CD99L2: variants seen among roughly 807,000 people sequenced by gnomAD.
CD99L2 encodes the protein CD99 antigen-like protein 2.
CD99L2 carries 24 observed loss-of-function variants against 27.3 expected under a neutral mutation model. The ratio of observed to expected loss-of-function variants is 0.88; its 90% CI spans 0.64 to 1.24. The LOEUF (loss-of-function observed/expected upper bound fraction) is 1.24, where lower values mean the gene tolerates loss of function less well. Ranked by LOEUF, CD99L2 falls within the 50% of genes most tolerant of loss-of-function variation. The pLI, the probability that CD99L2 is intolerant of heterozygous loss-of-function variation, is 0.00. For synonymous variants in CD99L2, 97 were observed against 87.9 expected (o/e 1.10, Z -0.58); for missense variants, 255 against 221.6 (o/e 1.15, Z -0.96).
Position 150,795,425 on chromosome X carries a change from A to C in CD99L2, c.339T>G (p.Asn113Lys), listed in dbSNP as rs1422929315. The C allele has an allele frequency of 1.7e-6, 2 of 1,211,305 alleles. No individual in the cohort carries two copies. Among genetic ancestry groups the C allele is most frequent in the African/African-American group, 3.5e-5 (2 of 57,675 alleles). Residue 113 changes from asparagine (N) to lysine (K), a missense_variant, in exon 5 of 11, where the codon AAT becomes AAG. Transcript: ENST00000370377. ...TCAGAGCGGCCACCTTACCTAAAGT[A>C]TTTGCTGGAGCTCTGGTGGTTACTG... ...KRPVTTRAPA[N>K]TLGNDFDLAD...
chrX:150,824,628 G>A (rs868916214), intron 2 of CD99L2, among the ~76,000 whole-genome samples: 4 of 81,085 alleles, frequency 4.9e-5, no homozygotes, highest in African/African-American at 9.9e-5. Flanking sequence ...GAAGAAGGAG[G>A]AGAAGAAGGA....
At chrX:150,773,517 CTG>C (rs1196995175) in intron 9 of CD99L2, among the ~76,000 whole-genome samples, 1 of 112,676 alleles carries the variant, frequency 8.9e-6, no homozygotes, top group Admixed American at 9.4e-5. Context: ...GATGTGAAAA[CTG>C]TGGACTGTCG....
intron 4 of CD99L2, among the ~76,000 whole-genome samples, chrX:150,811,347 A>C (rs997710847): frequency 7.2e-5 from 8 of 111,478 alleles, no homozygotes; most frequent in African/African-American, 6.5e-5. Flanking sequence ...GAGCATCAAA[A>C]ATAAAATAAA....
At position 150,883,188 on chromosome X, in the gene CD99L2, T is replaced by TCAAAAA. The variant is rs1322423787; in HGVS notation, c.67+15328_67+15333dup. Reference sequence around the variant, plus strand: ...TGGGCAACAAGAGCAAAACTCCATCTCAAAAACAAAAACAAAAACAAAACA... The same window carrying TCAAAAA: ...TGGGCAACAAGAGCAAAACTCCATCTCAAAAACAAAAACAAAAACAAAAACAAAACA... On this transcript the variant is annotated intron_variant, in intron 1 of 10. Coordinates refer to ENST00000370377, the MANE Select transcript of CD99L2 (RefSeq NM_031462.4). Among the ~76,000 whole-genome samples, 4 of 110,995 alleles carry TCAAAAA rather than the reference T, an allele frequency of 3.6e-5. No individual in the cohort carries two copies. The Admixed American group carries it at 3.8e-4, about 11-fold the overall frequency.
At chrX:150,803,406 T>A (rs1285152927) in intron 4 of CD99L2, among the ~76,000 whole-genome samples, 1 of 112,007 alleles carries the variant, frequency 8.9e-6, no homozygotes, top group African/African-American at 3.2e-5. Flanking sequence ...CCAGTAAGTT[T>A]TTTTCTAGAC....
chrX:150,768,575 C>T lies in CD99L2; in HGVS notation c.*459G>A, dbSNP rs1418161200. On this transcript the variant is annotated 3_prime_UTR_variant, in exon 11 of 11. Coordinates refer to ENST00000370377, the MANE Select transcript of CD99L2 (RefSeq NM_031462.4). Reference sequence around the variant, plus strand: ...AAGTGGGTGCAGGCTGAGCCCCCCACCTGCAGCTCCTTGAGGCCACTGTCA... The same window carrying T: ...AAGTGGGTGCAGGCTGAGCCCCCCATCTGCAGCTCCTTGAGGCCACTGTCA... 1 of 121,038 alleles carries T rather than the reference C, an allele frequency of 8.3e-6. No individual in the cohort carries two copies. The highest frequency in any genetic ancestry group is 3.5e-4 in the South Asian group (1 of 2,848). 10.0% of individuals were successfully genotyped at this position (121,038 alleles called of 1,213,427 possible).
At position 150,799,335 on chromosome X, in the gene CD99L2, CAA is replaced by C. The variant is rs368884708; in HGVS notation, c.278-3851_278-3850del. On this transcript the variant is annotated intron_variant, in intron 4 of 10. Coordinates refer to ENST00000370377, the MANE Select transcript of CD99L2 (RefSeq NM_031462.4). ...CAACATGGTGAAACCCTGTCTCTAC[CAA>C]AAAAAAAAAAACAACAACAAAACAC... 2.6e-4 allele frequency among the ~76,000 whole-genome samples: 23 copies of C among 89,813 alleles called. 1 individual carries two copies. The Middle Eastern group carries it at 0.017, about 68-fold the overall frequency. 78.0% of individuals were successfully genotyped at this position (89,813 alleles called of 115,157 possible).
At chrX:150,863,253 T>C (rs2047007809) in intron 1 of CD99L2, among the ~76,000 whole-genome samples, 2 of 112,328 alleles carry the variant, frequency 1.8e-5, no homozygotes, top group Admixed American at 9.4e-5. Context: ...GCCTTTTATT[T>C]ACCTGAGGAA....
At chrX:150,776,441 ATCT>A in intron 8 of CD99L2, 148 bp from the exon 9 acceptor site, 1 of 623,637 alleles carries the variant, frequency 1.6e-6, no homozygotes. Context: ...TGCCACACAG[ATCT>A]ACGGCATTAC....
At chrX:150,843,466 T>C (rs1557421395) in intron 1 of CD99L2, among the ~76,000 whole-genome samples, 2 of 109,897 alleles carry the variant, frequency 1.8e-5, no homozygotes, top group African/African-American at 6.6e-5. Context: ...CTGGCCAACA[T>C]AGTGAAACCC....
intron 1 of CD99L2, among the ~76,000 whole-genome samples, chrX:150,881,408 G>A (rs1324367844): frequency 1.8e-5 from 2 of 111,921 alleles, no homozygotes; most frequent in African/African-American, 6.5e-5. Context: ...AGAGATTGTA[G>A]CCAGAGCCAG....
At chrX:150,881,815 A>ATTTTTT (rs59133869) in intron 1 of CD99L2, among the ~76,000 whole-genome samples, 1 of 89,400 alleles carries the variant, frequency 1.1e-5, no homozygotes. Flanking sequence ...ACTCTTTCCA[A>ATTTTTT]TTTTTTTTTT....
Position 150,766,354 on chromosome X carries a change from A to T in CD99L2, c.*2680T>A, listed in dbSNP as rs1557418634. 1 of 111,051 alleles carries T rather than the reference A, an allele frequency of 9.0e-6. No homozygotes were observed. Among genetic ancestry groups the T allele is most frequent in the Non-Finnish European group, 1.9e-5 (1 of 53,015 alleles). The allele number at this position is 111,051 out of a possible 1,213,427, so 9.2% of individuals were successfully genotyped here. On this transcript the variant is annotated 3_prime_UTR_variant, in exon 11 of 11. Coordinates refer to ENST00000370377, the MANE Select transcript of CD99L2 (RefSeq NM_031462.4). The stretch of plus-strand genomic sequence containing the variant: ...ACAAGAATCTGCTCGGTGCCATTTT[A>T]TTTAATGCAAACACTAGACAGTTTA...
At chrX:150,815,776 C>A (rs1408269509) in intron 3 of CD99L2, among the ~76,000 whole-genome samples, 1 of 112,226 alleles carries the variant, frequency 8.9e-6, no homozygotes, top group Admixed American at 9.5e-5. Flanking sequence ...AGTCCAAATG[C>A]ATTTTCCTCT....
At chrX:150,846,010 G>A (rs1361215535) in intron 1 of CD99L2, among the ~76,000 whole-genome samples, 3 of 110,901 alleles carry the variant, frequency 2.7e-5, no homozygotes, top group African/African-American at 9.8e-5. Flanking sequence ...GGGCAACATG[G>A]CGAAACCCCG....
chrX:150,866,459 G>A (rs1192519442), intron 1 of CD99L2, among the ~76,000 whole-genome samples: 1 of 111,760 alleles, frequency 8.9e-6, no homozygotes, highest in Non-Finnish European at 1.9e-5. Context: ...AACGCTGGGT[G>A]CAGTGGCTCA....
chrX:150,786,190 T>C (rs1277334984), intron 7 of CD99L2, among the ~76,000 whole-genome samples: 1 of 111,287 alleles, frequency 9.0e-6, no homozygotes, highest in African/African-American at 3.3e-5. Flanking sequence ...GTTTGATTTG[T>C]ATTTCCCCAA....
At position 150,808,780 on chromosome X, in the gene CD99L2, C is replaced by T. The variant is rs782481822; in HGVS notation, c.277+6082G>A. Among the ~76,000 whole-genome samples the T allele has an allele frequency of 1.1e-4, 12 of 111,498 alleles. No individual in the cohort carries two copies. In the South Asian group the frequency reaches 1.9e-3, roughly 18 times the overall value. ...CAGCCTTGAAAAGAGGGGTTTTACG[C>T]CTTCCCTGAGAAGACACTACAGGCA... On this transcript the variant is annotated intron_variant, in intron 4 of 10. Coordinates refer to ENST00000370377, the MANE Select transcript of CD99L2 (RefSeq NM_031462.4).
intron 7 of CD99L2, among the ~76,000 whole-genome samples, chrX:150,778,195 C>T (rs946200836): frequency 2.7e-5 from 3 of 110,123 alleles, no homozygotes; most frequent in Admixed American, 9.7e-5. Flanking sequence ...CACACACGCA[C>T]GCACCCCTTC....
Sources: gnomAD v4.1 joint callset for allele counts (sites outside exome capture counted in the v4.1 genomes callset) on GRCh38, gnomAD v4.1.1 for gene constraint, MANE v1.5 for transcripts, NCBI Gene and HGNC (gene_info 2026-07-23, HGNC 2026-07-21) for gene names.